Variants in VPS13D observed in about 807,000 individuals in gnomAD.
VPS13D encodes vacuolar protein sorting 13 homolog D, also known as intermembrane lipid transfer protein VPS13D.
Under a neutral mutation model 461.9 loss-of-function variants are expected in VPS13D, and 187 were observed. That is an observed-to-expected ratio of 0.40 (90% confidence interval 0.36 to 0.46). The LOEUF (loss-of-function observed/expected upper bound fraction) is 0.46, where lower values mean the gene tolerates loss of function less well. VPS13D is among the 20% of genes least tolerant of loss of function. The probability of loss-of-function intolerance (pLI) is 0.60; values close to 1 mark genes in which losing one functional copy is unlikely to be tolerated. For missense variants in VPS13D, 4,711 were observed against 5,364.9 expected, an observed-to-expected ratio of 0.88 and a Z score of 3.81; for synonymous variants, 1,951 against 1,986.3, an observed-to-expected ratio of 0.98 and a Z score of 0.47.
intron 35 of VPS13D, among the ~76,000 whole-genome samples, 197 bp downstream of exon 35, chr1:12,323,977 C>T (rs748357100): frequency 2.0e-4 from 30 of 152,154 alleles, no homozygotes; most frequent in Non-Finnish European, 3.8e-4. Context: ...GGCGCCACCT[C>T]AGCTCACTGC....
intron 63 of VPS13D, among the ~76,000 whole-genome samples, chr1:12,406,289 A>C (rs1293828559): frequency 6.6e-6 from 1 of 152,218 alleles, no homozygotes; most frequent in African/African-American, 2.4e-5. Context: ...GTTTTCTAAC[A>C]GAGTAATATG....
intron 68 of VPS13D, among the ~76,000 whole-genome samples, chr1:12,503,743 G>A (rs1030198450): frequency 3.3e-5 from 5 of 152,146 alleles, no homozygotes; most frequent in Non-Finnish European, 7.3e-5. Context: ...AGACCACGGT[G>A]GCCTTCTTCC....
At chr1:12,251,562 G>A (rs1214401977) in intron 6 of VPS13D, among the ~76,000 whole-genome samples, 1 of 152,190 alleles carries the variant, frequency 6.6e-6, no homozygotes, top group African/African-American at 2.4e-5. Flanking sequence ...GGCTGTGGCT[G>A]CTTGGGGCTG....
At position 12,318,147 on chromosome 1, in the gene VPS13D, G is replaced by C. The variant is rs779268575; in HGVS notation, c.7224G>C (p.Leu2408=). ...LRVFLIFDWL[L]LVHDFLHTPS... ...TGTTTCTCATATTTGACTGGCTACT[G>C]TTAGTCCATGATTTTCTCCACACTC... is the stretch of plus-strand genomic sequence containing the variant. The change falls in exon 31 of 70, where the codon CTG becomes CTC. Residue 2408 remains leucine (L), a synonymous_variant. Coordinates refer to ENST00000620676, the MANE Select transcript of VPS13D (RefSeq NM_015378.4). 6.2e-7 allele frequency: 1 copy of C among 1,614,088 alleles called. No homozygotes were observed. The highest frequency in any genetic ancestry group is 8.5e-7 in the Non-Finnish European group (1 of 1,180,000).
intron 60 of VPS13D, among the ~76,000 whole-genome samples, chr1:12,398,236 C>G (rs1217771057): frequency 6.6e-6 from 1 of 152,210 alleles, no homozygotes; most frequent in East Asian, 1.9e-4. Flanking sequence ...ACAGAAATGT[C>G]TATTTGGAAA....
intron 46 of VPS13D, among the ~76,000 whole-genome samples, chr1:12,352,872 G>T (rs1643826561): frequency 6.8e-6 from 1 of 146,150 alleles, no homozygotes; most frequent in African/African-American, 2.5e-5. Flanking sequence ...GGCTGAGGCA[G>T]GAGAATGGCT....
intron 5 of VPS13D, among the ~76,000 whole-genome samples, chr1:12,247,513 CA>C (rs1022389353): frequency 6.6e-6 from 1 of 150,414 alleles, no homozygotes; most frequent in African/African-American, 2.4e-5. Flanking sequence ...AAAAAAAACC[CA>C]AAAAAAACAA....
At chr1:12,338,025 T>A in intron 39 of VPS13D, 3 of 454,642 alleles carry the variant, frequency 6.6e-6, no homozygotes, top group African/African-American at 2.0e-5. Flanking sequence ...TGATCCAGCC[T>A]CCACAATAAA....
intron 65 of VPS13D, among the ~76,000 whole-genome samples, chr1:12,418,469 A>G (rs1030010156): frequency 6.6e-6 from 1 of 152,214 alleles, no homozygotes. Context: ...ATTAAATTTT[A>G]TTAACTTTAT....
At chr1:12,237,998 A>G (rs1335303056) in intron 2 of VPS13D, among the ~76,000 whole-genome samples, 1 of 152,044 alleles carries the variant, frequency 6.6e-6, no homozygotes, top group Non-Finnish European at 1.5e-5. Context: ...TGTACTAAAA[A>G]TATAAAAGTT....
In VPS13D at chr1:12,299,915, C is replaced by A. The variant is rs1051893542; in HGVS notation, c.6216+531C>A. Among the ~76,000 whole-genome samples, 11 of 127,596 alleles carry A rather than the reference C, an allele frequency of 8.6e-5. No individual in the cohort carries two copies. Among genetic ancestry groups the A allele is most frequent in the African/African-American group, 3.2e-4 (11 of 34,014 alleles). The allele number at this position is 127,596 out of a possible 152,430, so 83.7% of individuals were successfully genotyped here. On this transcript the variant is annotated intron_variant, in intron 25 of 69. Coordinates refer to ENST00000620676, the MANE Select transcript of VPS13D (RefSeq NM_015378.4). This position sits in a 1 kb window ranked among gnomAD's most constrained non-coding sequence, Gnocchi z 4.2. ...TACTGTGGCACCTTTTTTTTTTTTT[C>A]AACTTTTGTTTTAGATACAGGGGGT...
intron 67 of VPS13D, among the ~76,000 whole-genome samples, chr1:12,485,670 G>A (rs747081013): frequency 1.3e-5 from 2 of 152,132 alleles, no homozygotes; most frequent in African/African-American, 4.8e-5. Flanking sequence ...TTGTTGGGGG[G>A]GTGGGCCCGC....
intron 65 of VPS13D, among the ~76,000 whole-genome samples, chr1:12,418,217 C>CTTTT (rs1331408825): frequency 6.6e-6 from 1 of 152,156 alleles, no homozygotes; most frequent in Non-Finnish European, 1.5e-5. Context: ...CAGCAACAGT[C>CTTTT]TTTTAGAGAG....
chr1:12,283,049 C>T lies in VPS13D; in HGVS notation c.4947C>T (p.Asp1649=), dbSNP rs923009696. 5 of 1,614,010 alleles carry T rather than the reference C, an allele frequency of 3.1e-6. No homozygotes were observed. Among genetic ancestry groups the T allele is most frequent in the Admixed American group, 1.7e-5 (1 of 59,988 alleles). The change falls in exon 21 of 70, where the codon GAC becomes GAT. Residue 1649 remains aspartate, a synonymous_variant. Transcript: ENST00000620676. Reference sequence around the variant, plus strand: ...GTCTTGTGAGCTTAAAGTTTCAGGACTTTGAGGTGGAATTCAGTAAAGACC... The same window carrying T: ...GTCTTGTGAGCTTAAAGTTTCAGGATTTTGAGGTGGAATTCAGTAAAGACC... ...AQGLVSLKFQ[D]FEVEFSKDHP...
intron 6 of VPS13D, among the ~76,000 whole-genome samples, chr1:12,252,429 T>C (rs1640763832): frequency 2.0e-5 from 3 of 152,162 alleles, no homozygotes; most frequent in African/African-American, 7.2e-5. Context: ...CACCCTTCCA[T>C]ATCCTCAGGT....
intron 40 of VPS13D, among the ~76,000 whole-genome samples, chr1:12,340,737 A>G (rs1643550161): frequency 6.6e-6 from 1 of 152,218 alleles, no homozygotes; most frequent in Admixed American, 6.5e-5. Flanking sequence ...TCCTACTTTA[A>G]TGCTAGACAC....
intron 23 of VPS13D, among the ~76,000 whole-genome samples, chr1:12,293,255 G>A (rs1359060674): frequency 6.6e-6 from 1 of 152,182 alleles, no homozygotes; most frequent in Non-Finnish European, 1.5e-5. Flanking sequence ...TCAGGGCAGG[G>A]AGAAAGGTCA....
At chr1:12,254,157 G>A (rs935452607) in intron 7 of VPS13D, among the ~76,000 whole-genome samples, 7 of 152,088 alleles carry the variant, frequency 4.6e-5, no homozygotes, top group South Asian at 2.1e-4. Flanking sequence ...GTATTCCACC[G>A]TTTGCATGTT....
Position 12,381,126 on chromosome 1 carries a change from C to G in VPS13D, c.11190+1530C>G, listed in dbSNP as rs570594503. 2.0e-5 allele frequency among the ~76,000 whole-genome samples: 3 copies of G among 152,308 alleles called. No homozygotes were observed. In the East Asian group the frequency reaches 5.8e-4, roughly 29 times the overall value. On this transcript the variant is annotated intron_variant, in intron 57 of 69. Transcript: ENST00000620676. ...GTGACAGTATAATAACAGTATTCAGCAGAGCAGAATGTGTTTTGGTTAGGG... is the reference window on the plus strand; with the variant it reads ...GTGACAGTATAATAACAGTATTCAGGAGAGCAGAATGTGTTTTGGTTAGGG...
Sources: allele counts gnomAD v4.1 joint callset (sites outside exome capture counted in the v4.1 genomes callset), GRCh38; gene constraint gnomAD v4.1.1; non-coding constraint Gnocchi (gnomAD v3.1); transcripts MANE v1.5; gene names NCBI Gene and HGNC (gene_info 2026-07-23, HGNC 2026-07-21).